HNRNPAB: variants seen among roughly 807,000 people sequenced by gnomAD.
HNRNPAB encodes ABBP-1.
HNRNPAB carries 17 observed loss-of-function variants against 44.1 expected under a neutral mutation model. The observed-to-expected ratio is 0.39, with a 90% CI of 0.26 to 0.58. The LOEUF (loss-of-function observed/expected upper bound fraction) is 0.58. Among genes scored for constraint, HNRNPAB ranks in the 20% least tolerant of loss-of-function variants. The pLI is 0.63. For missense variants in HNRNPAB, 393 were observed against 432.7 expected, an observed-to-expected ratio of 0.91 and a Z score of 0.81; for synonymous variants, 183 against 167.6, an observed-to-expected ratio of 1.09 and a Z score of -0.71.
rs763413667 is a variant in HNRNPAB, at chr5:178,210,285, G to A, written c.928+13G>A. 6.8e-6 allele frequency: 11 copies of A among 1,614,114 alleles called. No individual in the cohort carries two copies. In the South Asian group the frequency reaches 7.7e-5, roughly 11 times the overall value. ...GGCTACGACTACAGTAAGTAGGAGAGAGGGAGGCCCCATCCGCTCACCCCT... is the reference window on the plus strand; with the variant it reads ...GGCTACGACTACAGTAAGTAGGAGAAAGGGAGGCCCCATCCGCTCACCCCT... On this transcript the variant is annotated intron_variant, in intron 7 of 7. Coordinates refer to ENST00000358344, the MANE Select transcript of HNRNPAB (RefSeq NM_031266.3).
intron 5 of HNRNPAB, 124 bp from the exon 6 acceptor site, chr5:178,209,206 C>T: frequency 1.2e-6 from 1 of 804,122 alleles, no homozygotes; most frequent in Non-Finnish European, 2.1e-6. Context: ...CCCATACTAG[C>T]ATATTTTGTT....
intron 5 of HNRNPAB, chr5:178,208,946 T>G: frequency 5.9e-6 from 1 of 169,164 alleles, no homozygotes; most frequent in Non-Finnish European, 1.3e-5. Flanking sequence ...TAAAACCTCA[T>G]TGTCTAAGGC....
intron 2 of HNRNPAB, 90 bp from the exon 3 acceptor site, chr5:178,205,752 C>A: frequency 7.9e-7 from 1 of 1,264,034 alleles, no homozygotes; most frequent in Non-Finnish European, 1.1e-6. Flanking sequence ...TAGCTGTAGA[C>A]TTCGTGAGAA....
At chr5:178,209,986 G>A in intron 6 of HNRNPAB, 146 bp from the exon 7 acceptor site, 1 of 1,043,694 alleles carries the variant, frequency 9.6e-7, no homozygotes. Context: ...TGGGCCCAGG[G>A]CCCTTATACA....
intron 5 of HNRNPAB, chr5:178,208,958 C>G (rs897164698): frequency 5.1e-6 from 1 of 194,192 alleles, no homozygotes; most frequent in African/African-American, 2.3e-5. Context: ...GTCTAAGGCC[C>G]CTCATCTGAG....
At chr5:178,208,968 G>GA (rs1469097668) in intron 5 of HNRNPAB, 1 of 207,060 alleles carries the variant, frequency 4.8e-6, no homozygotes, top group Non-Finnish European at 9.9e-6. Context: ...CCTCATCTGA[G>GA]AAGTCTTGTC....
chr5:178,210,794 C>G lies in HNRNPAB; in HGVS notation c.*171C>G. 1 of 638,516 alleles carries G rather than the reference C, an allele frequency of 1.6e-6. No individual in the cohort carries two copies. The highest frequency in any genetic ancestry group is 2.8e-6 in the Non-Finnish European group (1 of 354,916). The allele number at this position is 638,516 out of a possible 1,614,324, so 39.6% of individuals were successfully genotyped here. On this transcript the variant is annotated 3_prime_UTR_variant, in exon 8 of 8. Coordinates refer to ENST00000358344, the MANE Select transcript of HNRNPAB (RefSeq NM_031266.3). The stretch of plus-strand genomic sequence containing the variant: ...TCTCCTGTTGACTATTTCCAGAGCT[C>G]TAGGTGTTTAGGCAGCGTGTGGTGT...
intron 5 of HNRNPAB, among the ~76,000 whole-genome samples, 174 bp downstream of exon 5, chr5:178,207,399 CT>C (rs1757116989): frequency 6.6e-6 from 1 of 152,158 alleles, no homozygotes; most frequent in Non-Finnish European, 1.5e-5. Flanking sequence ...TGAAAGACTT[CT>C]CAGGCTGGGA....
intron 3 of HNRNPAB, among the ~76,000 whole-genome samples, chr5:178,206,371 G>A (rs768372138): frequency 6.6e-6 from 1 of 152,190 alleles, no homozygotes; most frequent in Non-Finnish European, 1.5e-5. Context: ...GCTCAGAAAT[G>A]TAAGTAGAAG....
chr5:178,209,508 C>T (rs1757517459), intron 6 of HNRNPAB, 61 bp downstream of exon 6: 2 of 1,432,224 alleles, frequency 1.4e-6, no homozygotes, highest in Middle Eastern at 1.8e-4. Flanking sequence ...CCTTCCAAGC[C>T]TGTCTTGGGG....
chr5:178,210,949 T>C lies in HNRNPAB; in HGVS notation c.*326T>C, dbSNP rs774098333. 1.2e-4 allele frequency: 40 copies of C among 331,218 alleles called. No homozygotes were observed. The highest frequency in any genetic ancestry group is 2.3e-4 in the Admixed American group (5 of 22,094). 20.5% of individuals were successfully genotyped at this position (331,218 alleles called of 1,614,324 possible). ...GACCCTGGTTGTAAAGAGTAAATTG[T>C]ATCTTAGGAAACCAGTGTCACCTTT... On this transcript the variant is annotated 3_prime_UTR_variant, in exon 8 of 8. Coordinates refer to ENST00000358344, the MANE Select transcript of HNRNPAB (RefSeq NM_031266.3).
chr5:178,208,030 A>G (rs2113554941), intron 5 of HNRNPAB, among the ~76,000 whole-genome samples: 1 of 152,214 alleles, frequency 6.6e-6, no homozygotes, highest in South Asian at 2.1e-4. Context: ...CCTTCCAAAG[A>G]TCTCCCAGGG....
intron 2 of HNRNPAB, among the ~76,000 whole-genome samples, 196 bp downstream of exon 2, chr5:178,205,242 G>A (rs1363339587): frequency 6.6e-6 from 1 of 150,866 alleles, no homozygotes; most frequent in African/African-American, 2.4e-5. Flanking sequence ...TTGTTGGGTC[G>A]ACTTTGGCGC....
At chr5:178,205,550 G>T in intron 2 of HNRNPAB, 1 of 303,128 alleles carries the variant, frequency 3.3e-6, no homozygotes, top group Non-Finnish European at 6.2e-6. Context: ...TTGCTACATG[G>T]TTGTAGAACA....
chr5:178,206,089 TA>T, intron 3 of HNRNPAB, 79 bp downstream of exon 3: 1 of 1,378,060 alleles, frequency 7.3e-7, no homozygotes, highest in Non-Finnish European at 1.0e-6. Flanking sequence ...AAAGCATGAC[TA>T]GTTTGTGTGG....
intron 3 of HNRNPAB, 27 bp downstream of exon 3, chr5:178,206,037 T>G: frequency 6.3e-7 from 1 of 1,594,938 alleles, no homozygotes; most frequent in Non-Finnish European, 8.6e-7. Context: ...ATTTCAGCAG[T>G]CTCAGTGGAA....
chr5:178,208,751 CA>C (rs1204976412), intron 5 of HNRNPAB: 1 of 152,874 alleles, frequency 6.5e-6, no homozygotes, highest in Non-Finnish European at 1.5e-5. Flanking sequence ...GGGATGCAGA[CA>C]TCTGGGTTAT....
Position 178,210,640 on chromosome 5 carries a change from A to AC in HNRNPAB, c.*19dup. On this transcript the variant is annotated 3_prime_UTR_variant, in exon 8 of 8. Transcript: ENST00000358344. ...CCATACTGAGGCGGCAGCAGGAGCG[A>AC]CCAACTGATCGCACACATGCTTTGT... The AC allele has an allele frequency of 6.3e-7, 1 of 1,598,640 alleles. No homozygotes were observed. Among genetic ancestry groups the AC allele is most frequent in the Non-Finnish European group, 8.6e-7 (1 of 1,166,042 alleles).
At position 178,210,540 on chromosome 5, in the gene HNRNPAB, T is replaced by G. The variant is rs11956521; in HGVS notation, c.929-13T>G. 9 of 1,613,404 alleles carry G rather than the reference T, an allele frequency of 5.6e-6. No homozygotes were observed. The highest frequency in any genetic ancestry group is 6.8e-6 in the Non-Finnish European group (8 of 1,179,314). Reference sequence around the variant, plus strand: ...TTGTAAATAGTAGCTGCTATGGTTGTTCTCGTCCCTAGGTCAGGGTAGTAC... The same window carrying G: ...TTGTAAATAGTAGCTGCTATGGTTGGTCTCGTCCCTAGGTCAGGGTAGTAC... On this transcript the variant is annotated splice_polypyrimidine_tract_variant and intron_variant, in intron 7 of 7. Transcript: ENST00000358344.
Sources: gnomAD v4.1 joint callset for allele counts (sites outside exome capture counted in the v4.1 genomes callset) on GRCh38, gnomAD v4.1.1 for gene constraint, MANE v1.5 for transcripts, NCBI Gene and HGNC (gene_info 2026-07-23, HGNC 2026-07-21) for gene names.